SGCZ: variants seen among roughly 807,000 people sequenced by gnomAD.
The protein encoded by SGCZ is zeta-sarcoglycan.
In SGCZ, 40 loss-of-function variants were observed where a neutral mutation model predicts 41.3. The observed-to-expected ratio is 0.97, with a 90% CI of 0.75 to 1.26. The LOEUF (loss-of-function observed/expected upper bound fraction) is 1.26. Among genes scored for constraint, SGCZ ranks in the 50% most tolerant of loss-of-function variants. The pLI, the probability that SGCZ is intolerant of heterozygous loss-of-function variation, is 0.00. For missense variants in SGCZ, 552 were observed against 369.8 expected (o/e 1.49, Z -4.04); for synonymous variants, 206 against 137.5 (o/e 1.50, Z -3.49).
intron 1 of SGCZ, among the ~76,000 whole-genome samples, chr8:14,577,675 A>T (rs1165208117): frequency 6.6e-6 from 1 of 152,144 alleles, no homozygotes; most frequent in Non-Finnish European, 1.5e-5. Flanking sequence ...GCCGTGAGCC[A>T]CGGCGCCTGG....
At chr8:14,708,637 G>GA (rs1470244048) in intron 1 of SGCZ, among the ~76,000 whole-genome samples, 2 of 151,712 alleles carry the variant, frequency 1.3e-5, no homozygotes, top group Non-Finnish European at 2.9e-5. Flanking sequence ...CAATCAGTTT[G>GA]AAAAAAATTG....
At chr8:14,379,455 C>T (rs1297920096) in intron 2 of SGCZ, among the ~76,000 whole-genome samples, 1 of 152,074 alleles carries the variant, frequency 6.6e-6, no homozygotes, top group African/African-American at 2.4e-5. Flanking sequence ...CTATAAAGCG[C>T]TACTCTAAGT....
At chr8:14,936,049 T>C (rs1036617807) in intron 1 of SGCZ, among the ~76,000 whole-genome samples, 1 of 151,976 alleles carries the variant, frequency 6.6e-6, no homozygotes, top group Non-Finnish European at 1.5e-5. Context: ...AACTTGTATG[T>C]ACCTAGACTT....
At chr8:14,733,072 T>G (rs1798916403) in intron 1 of SGCZ, among the ~76,000 whole-genome samples, 1 of 152,112 alleles carries the variant, frequency 6.6e-6, no homozygotes, top group African/African-American at 2.4e-5. Flanking sequence ...AGTAAACGAC[T>G]CACCTGTGAG....
chr8:14,203,173 T>C (rs1457063492), intron 4 of SGCZ, among the ~76,000 whole-genome samples: 1 of 152,198 alleles, frequency 6.6e-6, no homozygotes, highest in Non-Finnish European at 1.5e-5. Context: ...CCAGATATGT[T>C]TTTATCAGCA....
chr8:14,899,366 C>T (rs904544376), intron 1 of SGCZ, among the ~76,000 whole-genome samples: 3 of 152,148 alleles, frequency 2.0e-5, no homozygotes, highest in Non-Finnish European at 4.4e-5. Flanking sequence ...CATGAAGATA[C>T]ATGAAATGAA....
At chr8:14,417,139 C>T (rs1429451696) in intron 2 of SGCZ, among the ~76,000 whole-genome samples, 1 of 151,756 alleles carries the variant, frequency 6.6e-6, no homozygotes, top group Non-Finnish European at 1.5e-5. Context: ...GTCTTAGAGA[C>T]TTCTTAGAGA....
chr8:14,427,066 GAGTGAATGAACGAATGAATGAGTGAA>G (rs1799806384), intron 2 of SGCZ, among the ~76,000 whole-genome samples: 6 of 93,584 alleles, frequency 6.4e-5, no homozygotes, highest in Non-Finnish European at 1.5e-4. Context: ...ATGAATGAAT[GAGTGAATGAACGAATGAATGAGTGAA>G]TGAATGAATG....
chr8:15,202,156 G>C (rs1397301906), intron 1 of SGCZ, among the ~76,000 whole-genome samples: 1 of 152,132 alleles, frequency 6.6e-6, no homozygotes, highest in Non-Finnish European at 1.5e-5. Context: ...AAATATCAAA[G>C]CAAAGGAGGA....
intron 2 of SGCZ, among the ~76,000 whole-genome samples, chr8:14,426,508 C>T (rs1292005098): frequency 6.8e-6 from 1 of 147,584 alleles, no homozygotes; most frequent in East Asian, 1.9e-4. Context: ...GCAGAAAACA[C>T]ATAAAAGTGT....
At chr8:14,910,718 A>G (rs536241699) in intron 1 of SGCZ, among the ~76,000 whole-genome samples, 2 of 151,894 alleles carry the variant, frequency 1.3e-5, no homozygotes, top group Non-Finnish European at 2.9e-5. Context: ...AATTTCTTCA[A>G]ATTTATATAT....
At chr8:14,392,251 C>T (rs899773024) in intron 2 of SGCZ, among the ~76,000 whole-genome samples, 3 of 152,104 alleles carry the variant, frequency 2.0e-5, no homozygotes, top group African/African-American at 7.2e-5. Context: ...AACCAATTTT[C>T]TACTCAAAGT....
At chr8:14,787,182 C>T (rs890624225) in intron 1 of SGCZ, among the ~76,000 whole-genome samples, 1 of 151,982 alleles carries the variant, frequency 6.6e-6, no homozygotes, top group Non-Finnish European at 1.5e-5. Flanking sequence ...ACTTAAAATC[C>T]CCATCTGCAG....
chr8:14,171,004 G>T (rs1044604767), intron 4 of SGCZ, among the ~76,000 whole-genome samples: 3 of 151,996 alleles, frequency 2.0e-5, no homozygotes, highest in Non-Finnish European at 2.9e-5. Context: ...CATTTTGGCA[G>T]TTGTTAATGT....
At chr8:14,098,125 G>GAATACATTATCAA in intron 7 of SGCZ, among the ~76,000 whole-genome samples, 1 of 152,260 alleles carries the variant, frequency 6.6e-6, no homozygotes, top group East Asian at 1.9e-4. Flanking sequence ...TAGTTATTCA[G>GAATACATTATCAA]TAAATGAATA....
chr8:15,031,832 G>A (rs896568378), intron 1 of SGCZ, among the ~76,000 whole-genome samples: 7 of 151,572 alleles, frequency 4.6e-5, no homozygotes, highest in South Asian at 2.1e-4. Context: ...GCATCTCTAC[G>A]TTGCAGTCGG....
At chr8:15,106,146 A>C (rs981822919) in intron 1 of SGCZ, among the ~76,000 whole-genome samples, 2 of 152,070 alleles carry the variant, frequency 1.3e-5, no homozygotes, top group African/African-American at 4.8e-5. Context: ...TTAATTTCAT[A>C]TGTTTATTTT....
At chr8:15,143,685 T>A (rs1448049416) in intron 1 of SGCZ, among the ~76,000 whole-genome samples, 1 of 152,182 alleles carries the variant, frequency 6.6e-6, no homozygotes, top group Non-Finnish European at 1.5e-5. Context: ...GGGCTCAGTT[T>A]TTGCATCTCT....
chr8:15,039,915 T>A (rs1056636768), intron 1 of SGCZ, among the ~76,000 whole-genome samples: 10 of 152,230 alleles, frequency 6.6e-5, no homozygotes, highest in African/African-American at 2.4e-4. Context: ...TACCATTTTA[T>A]TCTGTTTGGC....
Sources: allele counts gnomAD v4.1 joint callset (sites outside exome capture counted in the v4.1 genomes callset), GRCh38; gene constraint gnomAD v4.1.1; transcripts MANE v1.5; gene names NCBI Gene and HGNC (gene_info 2026-07-23, HGNC 2026-07-21).